Variants in ZDHHC14 observed in about 807,000 individuals in gnomAD.
ZDHHC14 encodes the protein zDHHC palmitoyltransferase 14, also known as palmitoyltransferase ZDHHC14.
In ZDHHC14, 16 loss-of-function variants were observed where a neutral mutation model predicts 47.7. The ratio of observed to expected loss-of-function variants is 0.34; its 90% confidence interval spans 0.23 to 0.51. The LOEUF (loss-of-function observed/expected upper bound fraction) is 0.51. ZDHHC14 is among the 20% of genes least tolerant of loss of function. The pLI is 0.97. For missense variants in ZDHHC14, 515 were observed against 662.5 expected (o/e 0.78, Z 2.44); for synonymous variants, 293 against 278.9 (o/e 1.05, Z -0.50).
chr6:157,559,265 G>C (rs1478059543), intron 2 of ZDHHC14, among the ~76,000 whole-genome samples: 1 of 152,256 alleles, frequency 6.6e-6, no homozygotes, highest in Non-Finnish European at 1.5e-5. Flanking sequence ...CCGGGAACCT[G>C]CTGCCCCACA....
At chr6:157,628,011 G>A (rs1026342509) in intron 3 of ZDHHC14, among the ~76,000 whole-genome samples, 1 of 152,196 alleles carries the variant, frequency 6.6e-6, no homozygotes, top group Admixed American at 6.5e-5. Context: ...AGGGAAGGTT[G>A]TTCAGTGAAT....
At chr6:157,404,935 G>A (rs1454271950) in intron 1 of ZDHHC14, among the ~76,000 whole-genome samples, 2 of 152,046 alleles carry the variant, frequency 1.3e-5, no homozygotes, top group Non-Finnish European at 2.9e-5. Flanking sequence ...GACATTTCAG[G>A]AAAAAGGATA....
At chr6:157,393,121 C>T (rs969651407) in intron 1 of ZDHHC14, among the ~76,000 whole-genome samples, 2 of 152,154 alleles carry the variant, frequency 1.3e-5, no homozygotes, top group Non-Finnish European at 2.9e-5. Flanking sequence ...TCAGGTGATT[C>T]GCCTGCCTCG....
At chr6:157,591,005 C>A (rs889175341) in intron 2 of ZDHHC14, among the ~76,000 whole-genome samples, 2 of 152,212 alleles carry the variant, frequency 1.3e-5, no homozygotes, top group African/African-American at 4.8e-5. Context: ...TTCGGACTTG[C>A]ATGGGGCCTG....
rs577423318 is a variant in ZDHHC14, at chr6:157,532,107, G to A, written c.246-10478G>A. Among the ~76,000 whole-genome samples, 3 of 152,312 alleles carry A rather than the reference G, an allele frequency of 2.0e-5. No individual in the cohort carries two copies. In the East Asian group the frequency reaches 5.8e-4, roughly 29 times the overall value. ...GGGGGAGGAGGAGCAGGCACAGCAG[G>A]CGTCTCCTGGTGGCACCAGCAGCCA... On this transcript the variant is annotated intron_variant, in intron 1 of 8. Coordinates refer to ENST00000359775, the MANE Select transcript of ZDHHC14 (RefSeq NM_024630.3).
intron 8 of ZDHHC14, among the ~76,000 whole-genome samples, chr6:157,670,643 A>ACTCCC (rs1562540394): frequency 6.8e-6 from 1 of 147,818 alleles, no homozygotes; most frequent in East Asian, 2.0e-4. Flanking sequence ...AAATAACCCT[A>ACTCCC]CTCCCCTCCC....
At chr6:157,494,045 C>T (rs926814687) in intron 1 of ZDHHC14, among the ~76,000 whole-genome samples, 4 of 152,186 alleles carry the variant, frequency 2.6e-5, no homozygotes, top group South Asian at 2.1e-4. Context: ...TGGTCCTCCC[C>T]GCAGGAGCCC....
At chr6:157,495,041 C>T (rs1164095371) in intron 1 of ZDHHC14, among the ~76,000 whole-genome samples, 1 of 152,130 alleles carries the variant, frequency 6.6e-6, no homozygotes, top group Non-Finnish European at 1.5e-5. Context: ...GGACTACAGC[C>T]TCCCATGGTG....
At chr6:157,553,613 C>T (rs1782334788) in intron 2 of ZDHHC14, among the ~76,000 whole-genome samples, 1 of 151,140 alleles carries the variant, frequency 6.6e-6, no homozygotes. Context: ...CACTTCTTTA[C>T]TTTAGACTCG....
Position 157,403,301 on chromosome 6 carries a change from G to A in ZDHHC14, c.245+21035G>A, listed in dbSNP as rs538755805. Among the ~76,000 whole-genome samples, 114 of 152,264 alleles carry A rather than the reference G, an allele frequency of 7.5e-4. 2 individuals carry two copies. Among genetic ancestry groups the A allele is most frequent in the South Asian group, 1.2e-3 (6 of 4,814 alleles). On this transcript the variant is annotated intron_variant, in intron 1 of 8. Transcript: ENST00000359775. ...TCCACAAGCTGGAACAATAACCTAC[G>A]AAATAACCTGCTAGGTTATGAATGA...
rs1776767411 is a variant in ZDHHC14 at position 157,632,900 on chromosome 6, T to A, written c.752+18T>A. ...CCTGCAAGATATCCTTTGTGATGAT[T>A]CTGTTTTCACGATGCTAATGTGTTG... On this transcript the variant is annotated intron_variant, in intron 5 of 8. Coordinates refer to ENST00000359775, the MANE Select transcript of ZDHHC14 (RefSeq NM_024630.3). The A allele has an allele frequency of 6.2e-7, 1 of 1,613,872 alleles. No individual in the cohort carries two copies. The highest frequency in any genetic ancestry group is 8.5e-7 in the Non-Finnish European group (1 of 1,179,710).
chr6:157,639,900 C>T (rs1270359185), intron 5 of ZDHHC14, among the ~76,000 whole-genome samples: 1 of 152,142 alleles, frequency 6.6e-6, no homozygotes, highest in African/African-American at 2.4e-5. Context: ...TGAGTCTCCC[C>T]ATTGGCCTAG....
intron 3 of ZDHHC14, among the ~76,000 whole-genome samples, chr6:157,619,505 C>T (rs1295796794): frequency 2.0e-5 from 3 of 152,300 alleles, no homozygotes; most frequent in Admixed American, 6.5e-5. Context: ...AGTCAAGCTC[C>T]GTCATTTCAT....
At chr6:157,511,801 T>C (rs1780499621) in intron 1 of ZDHHC14, among the ~76,000 whole-genome samples, 1 of 152,222 alleles carries the variant, frequency 6.6e-6, no homozygotes, top group Non-Finnish European at 1.5e-5. Flanking sequence ...TTTACAGTTA[T>C]CGTCCATTAT....
intron 2 of ZDHHC14, among the ~76,000 whole-genome samples, chr6:157,555,181 G>A (rs745784018): frequency 5.3e-5 from 8 of 152,118 alleles, no homozygotes; most frequent in Non-Finnish European, 1.0e-4. Context: ...AAAAGAAAAG[G>A]CATGTTTCTC....
chr6:157,386,907 A>G (rs527744451), intron 1 of ZDHHC14, among the ~76,000 whole-genome samples: 1 of 152,314 alleles, frequency 6.6e-6, no homozygotes, highest in South Asian at 2.1e-4. Context: ...TTGGTCCTGA[A>G]ATATTAAACT....
intron 3 of ZDHHC14, among the ~76,000 whole-genome samples, chr6:157,614,362 A>ATTT (rs11288647): frequency 1.6e-3 from 237 of 145,228 alleles, no homozygotes; most frequent in East Asian, 5.4e-3. Context: ...TAGCTGACTG[A>ATTT]TTTTTTTTTT....
intron 1 of ZDHHC14, among the ~76,000 whole-genome samples, chr6:157,399,050 C>T (rs1777579638): frequency 6.6e-6 from 1 of 152,228 alleles, no homozygotes; most frequent in African/African-American, 2.4e-5. Flanking sequence ...ACCTGCATGA[C>T]TGTTTTCCAG....
At chr6:157,660,621 A>G (rs1778309505) in intron 8 of ZDHHC14, among the ~76,000 whole-genome samples, 1 of 152,188 alleles carries the variant, frequency 6.6e-6, no homozygotes, top group South Asian at 2.1e-4. Context: ...GTCGCTCCTC[A>G]GCCCAGGACA....
Sources: allele counts gnomAD v4.1 joint callset (sites outside exome capture counted in the v4.1 genomes callset), GRCh38; gene constraint gnomAD v4.1.1; transcripts MANE v1.5; gene names NCBI Gene and HGNC (gene_info 2026-07-23, HGNC 2026-07-21).